The following RSPRY1 variants were observed in gnomAD, a reference collection of about 807,000 sequenced individuals.
RSPRY1 encodes the protein ring finger and SPRY domain containing 1.
In RSPRY1, 23 loss-of-function variants were observed where a neutral mutation model predicts 73.1. The ratio of observed to expected loss-of-function variants is 0.31; its 90% CI spans 0.23 to 0.45. RSPRY1 has a LOEUF of 0.45. Ranked by LOEUF, RSPRY1 falls within the 20% of genes least tolerant of loss-of-function variation. RSPRY1 has a pLI of 1.00. For synonymous variants in RSPRY1, 226 were observed against 251.4 expected (o/e 0.90, Z 0.95); for missense variants, 448 against 698.7 (o/e 0.64, Z 4.05).
chr16:57,211,047 A>G (rs1451927888), intron 4 of RSPRY1, among the ~76,000 whole-genome samples: 1 of 152,178 alleles, frequency 6.6e-6, no homozygotes, highest in African/African-American at 2.4e-5. Context: ...CAGAAGCTAG[A>G]AGAGAATGTT....
In RSPRY1 at chr16:57,208,813, CTA is replaced by C. The variant is rs541979686; in HGVS notation, c.404-260_404-259del. 8.3e-4 allele frequency among the ~76,000 whole-genome samples: 127 copies of C among 152,276 alleles called. 1 individual carries two copies. In the South Asian group the frequency reaches 0.022, roughly 26 times the overall value. ...TATGTAGTAAATAAGATGCTTAAAA[CTA>C]TTTTAATGTGAGAGCACAAGACCAT... On this transcript the variant is annotated intron_variant, in intron 3 of 14. Transcript: ENST00000394420.
intron 6 of RSPRY1, among the ~76,000 whole-genome samples, chr16:57,215,648 A>G (rs569486922): frequency 2.6e-5 from 4 of 152,372 alleles, no homozygotes; most frequent in Non-Finnish European, 5.9e-5. Flanking sequence ...AAACTGAGCC[A>G]TTAATTGTTA....
chr16:57,203,618 T>G (rs2074667797), intron 1 of RSPRY1, among the ~76,000 whole-genome samples: 1 of 152,204 alleles, frequency 6.6e-6, no homozygotes, highest in Admixed American at 6.5e-5. Context: ...AGCTGGTTCT[T>G]TCATTAGGTT....
At chr16:57,196,440 C>G (rs2074449347) in intron 1 of RSPRY1, among the ~76,000 whole-genome samples, 1 of 152,274 alleles carries the variant, frequency 6.6e-6, no homozygotes, top group African/African-American at 2.4e-5. Context: ...GTGGTAGGTT[C>G]TATACACAGT....
In RSPRY1 at chr16:57,221,471, C is replaced by A. The variant is rs1366621368; in HGVS notation, c.1161+56C>A. On this transcript the variant is annotated intron_variant, in intron 10 of 14. Transcript: ENST00000394420. Reference sequence around the variant, plus strand: ...AGCAGTGGCAGTTTGCTTTTTCCCCCTAGTTGGTGGGTGGAAAATACTTAT... The same window carrying A: ...AGCAGTGGCAGTTTGCTTTTTCCCCATAGTTGGTGGGTGGAAAATACTTAT... 7 of 1,529,574 alleles carry A rather than the reference C, an allele frequency of 4.6e-6. No homozygotes were observed. The Admixed American group carries it at 1.2e-4, about 27-fold the overall frequency. The allele number at this position is 1,529,574 out of a possible 1,614,324, so 94.8% of individuals were successfully genotyped here.
chr16:57,198,812 T>A (rs1320372828), intron 1 of RSPRY1, among the ~76,000 whole-genome samples: 4 of 152,212 alleles, frequency 2.6e-5, no homozygotes, highest in African/African-American at 9.7e-5. Context: ...TCATACAGAT[T>A]GTATGGAAAG....
intron 1 of RSPRY1, among the ~76,000 whole-genome samples, chr16:57,201,815 C>T (rs1416934169): frequency 3.3e-5 from 5 of 152,248 alleles, no homozygotes; most frequent in Non-Finnish European, 7.3e-5. Context: ...GAAAACCAGT[C>T]AGGCGTGGCG....
chr16:57,222,110 C>G (rs2075046931), intron 10 of RSPRY1, among the ~76,000 whole-genome samples: 1 of 152,024 alleles, frequency 6.6e-6, no homozygotes, highest in Non-Finnish European at 1.5e-5. Flanking sequence ...ATGGTTTCTA[C>G]CATTTGAGGT....
At chr16:57,232,495 C>G (rs79424226) in intron 13 of RSPRY1, among the ~76,000 whole-genome samples, 1 of 152,158 alleles carries the variant, frequency 6.6e-6, no homozygotes, top group Non-Finnish European at 1.5e-5. Flanking sequence ...TTAAATTCCT[C>G]TTGGCCAAAG....
upstream of RSPRY1, chr16:57,186,222 A>G (rs2074165055): frequency 6.2e-6 from 6 of 966,548 alleles, no homozygotes; most frequent in South Asian, 4.8e-5. Flanking sequence ...ATCACGTGAC[A>G]CGATTTTTGA....
At chr16:57,216,084 T>TC (rs1197982663) in intron 6 of RSPRY1, 23 bp from the exon 7 acceptor site, 29 of 1,558,686 alleles carry the variant, frequency 1.9e-5, no homozygotes, top group Non-Finnish European at 2.4e-5. Flanking sequence ...TTTTTTTTTT[T>TC]TTTATCTTTT....
At position 57,239,047 on chromosome 16, in the gene RSPRY1, A is replaced by T. The variant is rs571749279; in HGVS notation, c.*72A>T. 13 of 797,772 alleles carry T rather than the reference A, an allele frequency of 1.6e-5. No homozygotes were observed. The African/African-American group carries it at 2.1e-4, about 13-fold the overall frequency. 49.4% of individuals were successfully genotyped at this position (797,772 alleles called of 1,614,324 possible). ...AATGTTGAAAAGAAAAAGAAAAAAA[A>T]AACTCTCTAATCAGTTGTACACACA... On this transcript the variant is annotated 3_prime_UTR_variant, in exon 15 of 15. Transcript: ENST00000394420.
rs1433714929 is a variant in RSPRY1, at chr16:57,209,075, A to C, written c.404A>C (p.Asp135Ala). ...MITLHEMAET[D>A]EGWLDVVQSL... is the part of the protein sequence containing the mutation. ...TATAATCTTCTTGATTTGCTCTTAGATGAAGGATGGTTGGATGTTGTCCAG... is the reference window on the plus strand; with the variant it reads ...TATAATCTTCTTGATTTGCTCTTAGCTGAAGGATGGTTGGATGTTGTCCAG... The change falls in exon 4 of 15, where the codon GAT becomes GCT. Residue 135 changes from aspartate to alanine, a missense_variant and splice_region_variant. Coordinates refer to ENST00000394420, the MANE Select transcript of RSPRY1 (RefSeq NM_133368.3). 3 of 1,598,116 alleles carry C rather than the reference A, an allele frequency of 1.9e-6. No individual in the cohort carries two copies. The highest frequency in any genetic ancestry group is 2.6e-6 in the Non-Finnish European group (3 of 1,168,204).
intron 8 of RSPRY1, 183 bp from the exon 9 acceptor site, chr16:57,220,548 GA>G: frequency 2.7e-6 from 1 of 374,596 alleles, no homozygotes; most frequent in East Asian, 4.0e-5. Flanking sequence ...GTTTTTGGCA[GA>G]TTTTTTTAGG....
chr16:57,221,216 T>A, intron 9 of RSPRY1, 56 bp from the exon 10 acceptor site: 1 of 1,594,884 alleles, frequency 6.3e-7, no homozygotes, highest in Admixed American at 1.7e-5. Flanking sequence ...TAGTCAGTTA[T>A]CTTTGGTGGT....
intron 12 of RSPRY1, 127 bp downstream of exon 12, chr16:57,230,940 G>T (rs2075208911): frequency 1.4e-6 from 1 of 710,790 alleles, no homozygotes; most frequent in Non-Finnish European, 2.3e-6. Context: ...TCAAGTGATT[G>T]GGAACCCATT....
At chr16:57,224,246 C>T (rs554254506) in intron 10 of RSPRY1, among the ~76,000 whole-genome samples, 1 of 152,332 alleles carries the variant, frequency 6.6e-6, no homozygotes, top group Admixed American at 6.5e-5. Flanking sequence ...TTTGGGGTCA[C>T]TTGCACCATA....
At position 57,209,180 on chromosome 16, in the gene RSPRY1, C is replaced by T; in HGVS notation, c.509C>T (p.Pro170Leu). Residue 170 changes from proline to leucine, a missense_variant, in exon 4 of 15, where the codon CCC becomes CTC. Coordinates refer to ENST00000394420, the MANE Select transcript of RSPRY1 (RefSeq NM_133368.3). ...TTGTTACTAGATGAATGTCCATTGC[C>T]CACTAAAGTAAGTTAATACTTATCT... ...ITLLLDECPLPTKDALQKLTE... is the reference protein window; with the variant it reads ...ITLLLDECPLLTKDALQKLTE... The T allele has an allele frequency of 6.3e-7, 1 of 1,591,196 alleles. No homozygotes were observed. The highest frequency in any genetic ancestry group is 8.6e-7 in the Non-Finnish European group (1 of 1,161,064).
intron 1 of RSPRY1, among the ~76,000 whole-genome samples, chr16:57,199,895 G>GTTTTTT (rs61132783): frequency 1.1e-4 from 12 of 106,264 alleles, no homozygotes; most frequent in South Asian, 3.0e-4. Context: ...TTTTTTGTTT[G>GTTTTTT]TTTTTTTTTT....
Sources: allele counts gnomAD v4.1 joint callset (sites outside exome capture counted in the v4.1 genomes callset), GRCh38; gene constraint gnomAD v4.1.1; transcripts MANE v1.5; gene names NCBI Gene and HGNC (gene_info 2026-07-23, HGNC 2026-07-21).